The following ASB2 variants were observed in gnomAD, a reference collection of about 807,000 sequenced individuals.
ASB2 encodes the protein ankyrin repeat and SOCS box protein 2.
Under a neutral mutation model 62.4 loss-of-function variants are expected in ASB2, and 58 were observed. The observed-to-expected ratio is 0.93, with a 90% CI of 0.75 to 1.16. The LOEUF (loss-of-function observed/expected upper bound fraction) is 1.16, where lower values mean the gene tolerates loss of function less well. ASB2 is among the 50% of genes most tolerant of loss of function. ASB2 has a pLI of 0.00. For synonymous variants in ASB2, 386 were observed against 385.3 expected (o/e 1.00, Z -0.02); for missense variants, 928 against 887.9 (o/e 1.05, Z -0.57).
In ASB2 at chr14:93,964,638, G is replaced by T. The variant is rs550025651; in HGVS notation, c.-73-26C>A. The T allele has an allele frequency of 6.7e-4, 729 of 1,085,582 alleles. 1 individual carries two copies. The highest frequency in any genetic ancestry group is 8.1e-4 in the Non-Finnish European group (598 of 739,286). The allele number at this position is 1,085,582 out of a possible 1,614,324, so 67.2% of individuals were successfully genotyped here. A position where few individuals can be genotyped will look rare whatever the true frequency, so the allele number is the denominator to read the frequency against. ...CTGTGAGGAAACCAAAACCATCCTG[G>T]TCACGAACAGTTTTGCAGGATAGCT... On this transcript the variant is annotated intron_variant, in intron 1 of 9. Transcript: ENST00000555019.
chr14:93,971,088 G>C (rs866688044), intron 1 of ASB2, among the ~76,000 whole-genome samples: 2 of 152,334 alleles, frequency 1.3e-5, no homozygotes, highest in Non-Finnish European at 2.9e-5. Context: ...CCATCCAAGG[G>C]ATTTGAATTC....
intron 3 of ASB2, 61 bp from the exon 4 acceptor site, chr14:93,954,544 C>T: frequency 6.6e-7 from 1 of 1,521,816 alleles, no homozygotes; most frequent in Non-Finnish European, 9.0e-7. Context: ...CAGGGGGCCT[C>T]TCTCTCAGGA....
In ASB2 at chr14:93,939,425, C is replaced by T; in HGVS notation, c.1300G>A (p.Gly434Ser). The T allele has an allele frequency of 1.2e-6, 2 of 1,612,814 alleles. No homozygotes were observed. The highest frequency in any genetic ancestry group is 1.3e-5 in the African/African-American group (1 of 75,056). Residue 434 changes from glycine to serine, a missense_variant, in exon 8 of 10, where the codon GGC becomes AGC. Physicochemically the swap from Gly to Ser is moderately conservative, Grantham distance 56 (BLOSUM62 0). Coordinates refer to ENST00000555019, the MANE Select transcript of ASB2 (RefSeq NM_001202429.2). ...ATGACGTCGCGGTTGGGGTCGGCGC[C>T]GTGTTGCAGCAGCAGCTCGGTGGCG... ...VYATELLLQH[G>S]ADPNRDVISP... is the part of the protein sequence containing the mutation.
intron 1 of ASB2, among the ~76,000 whole-genome samples, chr14:93,971,821 G>A (rs1489719045): frequency 1.3e-5 from 2 of 151,970 alleles, no homozygotes; most frequent in East Asian, 3.9e-4. Context: ...TTTACACCAA[G>A]TATTCATCCC....
intron 1 of ASB2, among the ~76,000 whole-genome samples, chr14:93,975,461 C>T (rs565667348): frequency 6.6e-6 from 1 of 152,238 alleles, no homozygotes; most frequent in South Asian, 2.1e-4. Context: ...GGGCCTCCAC[C>T]TCTGGGGCCT....
At chr14:93,964,704 A>G in intron 1 of ASB2, 92 bp from the exon 2 acceptor site, 1 of 644,954 alleles carries the variant, frequency 1.6e-6, no homozygotes, top group Non-Finnish European at 2.7e-6. Flanking sequence ...CACTGACAGT[A>G]ACACATTCAT....
At position 93,937,869 on chromosome 14, in the gene ASB2, G is replaced by A. The variant is rs764756221; in HGVS notation, c.1618-18C>T. On this transcript the variant is annotated intron_variant, in intron 8 of 9. Coordinates refer to ENST00000555019, the MANE Select transcript of ASB2 (RefSeq NM_001202429.2). ...TCACAGAACTGAAAGAGAACATGCC[G>A]GGACCAAGAAGTGAGTTCATCCCAC... 27 of 1,582,782 alleles carry A rather than the reference G, an allele frequency of 1.7e-5. No individual in the cohort carries two copies. Among genetic ancestry groups the A allele is most frequent in the Admixed American group, 1.4e-4 (8 of 59,010 alleles).
chr14:93,939,324 G>A lies in ASB2; in HGVS notation c.1401C>T (p.Ile467=), dbSNP rs1358936795. Residue 467 remains isoleucine (I), a synonymous_variant, in exon 8 of 10, where the codon ATC becomes ATT. Coordinates refer to ENST00000555019, the MANE Select transcript of ASB2 (RefSeq NM_001202429.2). The stretch of plus-strand genomic sequence containing the variant: ...TGGGGTGCGTGGCGATATAGGCGTC[G>A]ATGTTCGCGCCGTGGTCCAGCAGCA... ...MQLLLDHGAN[I]DAYIATHPTA... The A allele has an allele frequency of 6.2e-7, 1 of 1,610,820 alleles. No individual in the cohort carries two copies.
chr14:93,967,253 G>A (rs1889621999), intron 1 of ASB2, among the ~76,000 whole-genome samples: 2 of 152,250 alleles, frequency 1.3e-5, no homozygotes. Context: ...GCTTCTCTGA[G>A]GCTGGGGTCC....
In ASB2 at chr14:93,953,390, T is replaced by G; in HGVS notation, c.596A>C (p.Asp199Ala). Residue 199 changes from aspartate to alanine, a missense_variant, in exon 5 of 10, where the codon GAC (aspartate) becomes GCC (alanine). Transcript: ENST00000555019. ...LSLLQAGAEPDISNKSRETPL... is the reference protein window; with the variant it reads ...LSLLQAGAEPAISNKSRETPL... ...TGTCTCTCGGGATTTGTTGGAGATG[T>G]CCGGCTCTGCCCCTGCTTGGAGCAG... 1 of 1,599,692 alleles carries G rather than the reference T, an allele frequency of 6.3e-7. No individual in the cohort carries two copies. The highest frequency in any genetic ancestry group is 8.6e-7 in the Non-Finnish European group (1 of 1,168,496).
chr14:93,939,326 T>C lies in ASB2; in HGVS notation c.1399A>G (p.Ile467Val). The C allele has an allele frequency of 1.2e-6, 2 of 1,610,872 alleles. No individual in the cohort carries two copies. Among genetic ancestry groups the C allele is most frequent in the Middle Eastern group, 1.7e-4 (1 of 6,054 alleles). The change falls in exon 8 of 10, where the codon ATC becomes GTC. Residue 467 changes from isoleucine (I) to valine (V), a missense_variant. Physicochemically the swap from Ile to Val is conservative, Grantham distance 29. Transcript: ENST00000555019. ...MQLLLDHGANIDAYIATHPTA... is the reference protein window; with the variant it reads ...MQLLLDHGANVDAYIATHPTA... ...GGGTGCGTGGCGATATAGGCGTCGA[T>C]GTTCGCGCCGTGGTCCAGCAGCAGC...
chr14:93,956,159 G>C (rs532330097), intron 3 of ASB2, among the ~76,000 whole-genome samples: 2 of 152,194 alleles, frequency 1.3e-5, no homozygotes, highest in Non-Finnish European at 2.9e-5. Context: ...GTACAGAGAG[G>C]GGAGGGAGGC....
At position 93,934,247 on chromosome 14, in the gene ASB2, C is replaced by G. The variant is rs1311313103; in HGVS notation, c.*409G>C. On this transcript the variant is annotated 3_prime_UTR_variant, in exon 10 of 10. Transcript: ENST00000555019. ...TCCCCCTACCCCCTACCTTGGGCCA[C>G]GTCTTCATCTTAGTCTTTGGAGAGA... 1 of 457,266 alleles carries G rather than the reference C, an allele frequency of 2.2e-6. No homozygotes were observed. Among genetic ancestry groups the G allele is most frequent in the Admixed American group, 2.4e-5 (1 of 42,260 alleles). 28.3% of individuals were successfully genotyped at this position (457,266 alleles called of 1,614,324 possible).
intron 6 of ASB2, among the ~76,000 whole-genome samples, chr14:93,950,740 G>A (rs1888921533): frequency 6.6e-6 from 1 of 152,142 alleles, no homozygotes; most frequent in African/African-American, 2.4e-5. Flanking sequence ...ATTATAAATG[G>A]CAAATAGGTG....
chr14:93,958,310 G>A (rs75766701), intron 2 of ASB2, among the ~76,000 whole-genome samples: 4,385 of 152,282 alleles, frequency 0.029, 93 homozygotes, highest in African/African-American at 0.05. Context: ...ATGAGGACAG[G>A]GAGGCTGTGA....
chr14:93,966,354 G>A (rs147187390), intron 1 of ASB2, among the ~76,000 whole-genome samples: 201 of 152,356 alleles, frequency 1.3e-3, no homozygotes, highest in African/African-American at 4.5e-3. Context: ...TGGGACTGTA[G>A]CCTAGTTTTA....
chr14:93,956,585 G>A (rs775149152), intron 3 of ASB2, among the ~76,000 whole-genome samples, 181 bp downstream of exon 3: 1 of 152,226 alleles, frequency 6.6e-6, no homozygotes, highest in Non-Finnish European at 1.5e-5. Flanking sequence ...TGGCCACCAA[G>A]CCCATCTCAG....
chr14:93,934,904 G>T, intron 9 of ASB2, 112 bp from the exon 10 acceptor site: 1 of 862,956 alleles, frequency 1.2e-6, no homozygotes, highest in Non-Finnish European at 1.9e-6. Context: ...CTGGGTAAGA[G>T]AGGGAGTGCC....
chr14:93,954,705 T>G (rs1889112889), intron 3 of ASB2, among the ~76,000 whole-genome samples: 1 of 152,184 alleles, frequency 6.6e-6, no homozygotes, highest in Admixed American at 6.5e-5. Context: ...CAAAACCAAT[T>G]CTACCAAGAG....
Sources: gnomAD v4.1 joint callset for allele counts (sites outside exome capture counted in the v4.1 genomes callset) on GRCh38, gnomAD v4.1.1 for gene constraint, MANE v1.5 for transcripts, NCBI Gene and HGNC (gene_info 2026-07-23, HGNC 2026-07-21) for gene names.